The following PTPRN2 variants were observed in gnomAD, a reference collection of about 807,000 sequenced individuals.
PTPRN2 encodes the protein protein tyrosine phosphatase receptor type N2.
PTPRN2 carries 74 observed loss-of-function variants against 118.8 expected under a neutral mutation model. The observed-to-expected ratio is 0.62, with a 90% CI of 0.52 to 0.76. The LOEUF is 0.76. PTPRN2 is among the 30% of genes least tolerant of loss of function. The pLI is 0.00. For missense variants in PTPRN2, 1,481 were observed against 1,394.4 expected (o/e 1.06, Z -0.99); for synonymous variants, 641 against 608.0 (o/e 1.05, Z -0.80).
intron 11 of PTPRN2, among the ~76,000 whole-genome samples, chr7:158,019,713 T>A (rs12534776): frequency 1.3e-5 from 2 of 151,892 alleles, no homozygotes; most frequent in Non-Finnish European, 2.9e-5. Context: ...CTGTGTCCCC[T>A]CCAAGTCCCA....
At chr7:158,115,968 C>A (rs149148194) in intron 9 of PTPRN2, among the ~76,000 whole-genome samples, 113 of 152,290 alleles carry the variant, frequency 7.4e-4, no homozygotes, top group African/African-American at 2.6e-3. Flanking sequence ...CTGGTTCGCT[C>A]AGGTGAGTAA....
At chr7:158,274,267 G>A (rs371083700) in intron 3 of PTPRN2, among the ~76,000 whole-genome samples, 248 of 141,286 alleles carry the variant, frequency 1.8e-3, no homozygotes, top group African/African-American at 5.2e-3. Context: ...ACGGGGAGCC[G>A]CAGACACAGG....
intron 2 of PTPRN2, among the ~76,000 whole-genome samples, chr7:158,471,058 G>A (rs1009833999): frequency 1.3e-5 from 2 of 152,080 alleles, no homozygotes; most frequent in African/African-American, 2.4e-5. Context: ...TAGTGGAGAC[G>A]GGGTTTCACC....
chr7:158,359,136 G>A (rs1808628851), intron 2 of PTPRN2, among the ~76,000 whole-genome samples: 1 of 152,172 alleles, frequency 6.6e-6, no homozygotes, highest in Non-Finnish European at 1.5e-5. Flanking sequence ...GCAAGGCCAT[G>A]GCCGGCGAGT....
intron 1 of PTPRN2, among the ~76,000 whole-genome samples, chr7:158,547,635 G>A (rs200509958): frequency 2.6e-4 from 40 of 152,340 alleles, no homozygotes; most frequent in East Asian, 1.9e-3. Flanking sequence ...AAGAGGCAGG[G>A]ACCCTGCTGG....
At position 158,371,691 on chromosome 7, in the gene PTPRN2, G is replaced by A. The variant is rs1810007404; in HGVS notation, c.164-54759C>T. On this transcript the variant is annotated intron_variant, in intron 2 of 22. Coordinates refer to ENST00000389418, the MANE Select transcript of PTPRN2 (RefSeq NM_002847.5). ...CTAGGAATTTCACTTCTAGGGGAATGTTCTAAGGAAATGATTCATATGCGG... is the reference window on the plus strand; with the variant it reads ...CTAGGAATTTCACTTCTAGGGGAATATTCTAAGGAAATGATTCATATGCGG... Among the ~76,000 whole-genome samples, 3 of 152,136 alleles carry A rather than the reference G, an allele frequency of 2.0e-5. 1 individual carries two copies. The South Asian group carries it at 6.2e-4, about 32-fold the overall frequency.
rs537371694 is a variant in PTPRN2 at position 157,961,956 on chromosome 7, C to T, written c.1724-63219G>A. 7.8e-4 allele frequency among the ~76,000 whole-genome samples: 118 copies of T among 152,204 alleles called. 1 individual carries two copies. Among genetic ancestry groups the T allele is most frequent in the Non-Finnish European group, 1.4e-3 (96 of 68,014 alleles). On this transcript the variant is annotated intron_variant, in intron 11 of 22. Transcript: ENST00000389418. ...GAGACCCGGCGGCCACACCTGGACC[C>T]GGGGTGTGTGGGAGGCTCTGGAAGA...
At chr7:157,564,573 T>C (rs1799388653) in intron 21 of PTPRN2, among the ~76,000 whole-genome samples, 1 of 152,228 alleles carries the variant, frequency 6.6e-6, no homozygotes, top group Non-Finnish European at 1.5e-5. Flanking sequence ...AAAGAACTCT[T>C]AGAATTCAAC....
At chr7:158,317,451 G>C (rs28620531) in intron 2 of PTPRN2, among the ~76,000 whole-genome samples, 2,514 of 152,372 alleles carry the variant, frequency 0.016, 57 homozygotes, top group African/African-American at 0.058. Context: ...GAGGCGCGGG[G>C]CTGGCGAACG....
chr7:158,179,864 T>A (rs1157369429), intron 5 of PTPRN2, among the ~76,000 whole-genome samples: 1 of 152,248 alleles, frequency 6.6e-6, no homozygotes, highest in South Asian at 2.1e-4. Flanking sequence ...AATGACCTGA[T>A]GACCCAAAAG....
intron 14 of PTPRN2, among the ~76,000 whole-genome samples, chr7:157,639,337 T>G (rs1009104492): frequency 2.0e-5 from 3 of 152,150 alleles, no homozygotes; most frequent in African/African-American, 7.2e-5. Flanking sequence ...TGCCCAGCTA[T>G]CTTTCTTTAT....
chr7:158,430,321 G>A (rs935826218), intron 2 of PTPRN2, among the ~76,000 whole-genome samples: 2 of 152,220 alleles, frequency 1.3e-5, no homozygotes, highest in Admixed American at 6.5e-5. Context: ...GATGAGGTGA[G>A]GGAGAGCAGC....
At chr7:157,829,489 G>T (rs1050117638) in intron 12 of PTPRN2, among the ~76,000 whole-genome samples, 1 of 152,192 alleles carries the variant, frequency 6.6e-6, no homozygotes, top group African/African-American at 2.4e-5. Flanking sequence ...AAGTTTGAAA[G>T]TCTGGACAAG....
chr7:158,085,461 A>C lies in PTPRN2; in HGVS notation c.1644-4084T>G, dbSNP rs375444340. 2.9e-4 allele frequency among the ~76,000 whole-genome samples: 11 copies of C among 38,198 alleles called. No individual in the cohort carries two copies. The East Asian group carries it at 4.6e-3, about 16-fold the overall frequency. 25.1% of individuals were successfully genotyped at this position (38,198 alleles called of 152,430 possible). On this transcript the variant is annotated intron_variant, in intron 10 of 22. Coordinates refer to ENST00000389418, the MANE Select transcript of PTPRN2 (RefSeq NM_002847.5). ...GACGCCCATCCACACGGATGCCCAT[A>C]CACTCCGACACCCATCCACACCCAC...
At chr7:158,060,026 C>G (rs28502865) in intron 11 of PTPRN2, among the ~76,000 whole-genome samples, 7 of 102,018 alleles carry the variant, frequency 6.9e-5, no homozygotes, top group East Asian at 3.0e-4. Flanking sequence ...CACACGGTGA[C>G]ACATCACTGC....
chr7:158,544,740 C>T lies in PTPRN2; in HGVS notation c.112+42818G>A, dbSNP rs552886609. Among the ~76,000 whole-genome samples the T allele has an allele frequency of 6.6e-6, 1 of 152,272 alleles. No individual in the cohort carries two copies. The highest frequency in any genetic ancestry group is 1.9e-4 in the East Asian group (1 of 5,190). ...GTGTGGTCCAAGATAATTCTTATTC[C>T]AGTGTAACCCGGGGATACCAAAAGA... On this transcript the variant is annotated intron_variant, in intron 1 of 22. Coordinates refer to ENST00000389418, the MANE Select transcript of PTPRN2 (RefSeq NM_002847.5). This position sits in a 1 kb window ranked among gnomAD's most constrained non-coding sequence, Gnocchi z 4.2.
intron 3 of PTPRN2, among the ~76,000 whole-genome samples, chr7:158,283,227 T>G (rs1799547567): frequency 6.6e-6 from 1 of 152,216 alleles, no homozygotes; most frequent in Non-Finnish European, 1.5e-5. Flanking sequence ...AGTACTTCAG[T>G]CAGGCGGCAG....
At chr7:158,053,903 G>A (rs997963209) in intron 11 of PTPRN2, among the ~76,000 whole-genome samples, 2 of 150,410 alleles carry the variant, frequency 1.3e-5, no homozygotes, top group Non-Finnish European at 2.9e-5. Context: ...GAGATGCAGA[G>A]ACCCCAGAGA....
rs1369562363 is a variant in PTPRN2 at position 157,690,514 on chromosome 7, C to T, written c.1789-7577G>A. ...CTCTTCCAGGGCCCACCCAACCGCA[C>T]TACGAGCGCCCGCGCCCCGCCCGGC... On this transcript the variant is annotated intron_variant, in intron 12 of 22. Transcript: ENST00000389418. The surrounding 1 kb of genome is among the most constrained non-coding windows in gnomAD (Gnocchi z 7.1). Among the ~76,000 whole-genome samples the T allele has an allele frequency of 2.0e-5, 3 of 152,096 alleles. No individual in the cohort carries two copies. The highest frequency in any genetic ancestry group is 7.2e-5 in the African/African-American group (3 of 41,450).
Sources: allele counts gnomAD v4.1 joint callset (sites outside exome capture counted in the v4.1 genomes callset), GRCh38; gene constraint gnomAD v4.1.1; non-coding constraint Gnocchi (gnomAD v3.1); transcripts MANE v1.5; gene names NCBI Gene and HGNC (gene_info 2026-07-23, HGNC 2026-07-21).